The following TMEM65 variants were observed in gnomAD, a reference collection of about 807,000 sequenced individuals.
TMEM65 encodes transmembrane protein 65.
TMEM65 carries 22 observed loss-of-function variants against 25.4 expected under a neutral mutation model. The observed-to-expected ratio is 0.86, with a 90% CI of 0.62 to 1.23. The LOEUF is 1.23. Among genes scored for constraint, TMEM65 ranks in the 50% most tolerant of loss-of-function variants. TMEM65 has a pLI of 0.00. For missense variants in TMEM65, 262 were observed against 308.2 expected (o/e 0.85, Z 1.12); for synonymous variants, 132 against 126.2 (o/e 1.05, Z -0.31).
intron 1 of TMEM65, among the ~76,000 whole-genome samples, chr8:124,343,253 T>C (rs1003210772): frequency 8.5e-5 from 13 of 152,270 alleles, no homozygotes; most frequent in Middle Eastern, 3.4e-3. Flanking sequence ...CTAGAAAACA[T>C]AGATTGACCC....
intron 6 of TMEM65, among the ~76,000 whole-genome samples, chr8:124,318,009 T>C (rs557320227): frequency 2.4e-4 from 37 of 152,100 alleles, no homozygotes; most frequent in African/African-American, 7.2e-4. Context: ...TTAAAAAAAA[T>C]CACAGAAAAA....
At chr8:124,349,774 A>G (rs1038069510) in intron 1 of TMEM65, among the ~76,000 whole-genome samples, 1 of 152,144 alleles carries the variant, frequency 6.6e-6, no homozygotes, top group African/African-American at 2.4e-5. Flanking sequence ...ACTGAGTCTC[A>G]AAAGGCAAGA....
chr8:124,370,421 C>G (rs1814996774), intron 1 of TMEM65, among the ~76,000 whole-genome samples: 1 of 152,126 alleles, frequency 6.6e-6, no homozygotes. Context: ...TTCCAAGGAG[C>G]ATATTTTCAG....
chr8:124,369,346 A>G (rs906037868), intron 1 of TMEM65, among the ~76,000 whole-genome samples: 12 of 152,216 alleles, frequency 7.9e-5, no homozygotes, highest in Non-Finnish European at 1.5e-4. Flanking sequence ...ACTGATAAAC[A>G]TATAAGAAAG....
At chr8:124,316,076 T>C (rs1814234000) in intron 6 of TMEM65, among the ~76,000 whole-genome samples, 1 of 152,182 alleles carries the variant, frequency 6.6e-6, no homozygotes, top group African/African-American at 2.4e-5. Context: ...TACCAGTCAG[T>C]GATTTCTGAC....
intron 1 of TMEM65, among the ~76,000 whole-genome samples, chr8:124,354,428 G>A (rs890173592): frequency 1.2e-4 from 18 of 152,234 alleles, no homozygotes; most frequent in East Asian, 1.9e-4. Flanking sequence ...CAGTACTCCC[G>A]TTGCAGTGGA....
intron 1 of TMEM65, among the ~76,000 whole-genome samples, chr8:124,331,580 C>T (rs1041477809): frequency 1.3e-5 from 2 of 151,446 alleles, no homozygotes; most frequent in Admixed American, 1.3e-4. Flanking sequence ...CAACATTATA[C>T]CTAAAAATTA....
rs2131190683 is a variant in TMEM65 at position 124,313,109 on chromosome 8, G to C, written c.*851C>G. The C allele has an allele frequency of 6.6e-6, 1 of 151,480 alleles. No homozygotes were observed. Among genetic ancestry groups the C allele is most frequent in the East Asian group, 1.9e-4 (1 of 5,152 alleles). The allele number at this position is 151,480 out of a possible 1,614,324, so 9.4% of individuals were successfully genotyped here. On this transcript the variant is annotated 3_prime_UTR_variant, in exon 7 of 7. Transcript: ENST00000297632. ...CCACCTTTTTTTAAAAAAAGCTTTA[G>C]TCTCTTAATTTCCAAGCATCATGTT...
At chr8:124,351,457 C>T (rs926686527) in intron 1 of TMEM65, among the ~76,000 whole-genome samples, 2 of 152,110 alleles carry the variant, frequency 1.3e-5, no homozygotes, top group African/African-American at 4.8e-5. Context: ...ATTAGAAACG[C>T]TGATAAAGTG....
chr8:124,311,619 C>T lies in TMEM65; in HGVS notation c.*2341G>A, dbSNP rs1814162119. The stretch of plus-strand genomic sequence containing the variant: ...AGCTAATATGAGAAACAAACAGTTC[C>T]AGTTTCAACCTAAATTAAAGTTATT... On this transcript the variant is annotated 3_prime_UTR_variant, in exon 7 of 7. Coordinates refer to ENST00000297632, the MANE Select transcript of TMEM65 (RefSeq NM_194291.3). The T allele has an allele frequency of 6.6e-6, 1 of 152,392 alleles. No homozygotes were observed. The highest frequency in any genetic ancestry group is 2.1e-4 in the South Asian group (1 of 4,832). The allele number at this position is 152,392 out of a possible 1,614,324, so 9.4% of individuals were successfully genotyped here.
intron 1 of TMEM65, among the ~76,000 whole-genome samples, chr8:124,362,291 T>C (rs942350240): frequency 6.6e-6 from 1 of 152,044 alleles, no homozygotes; most frequent in Admixed American, 6.6e-5. Context: ...TATTTGAAGG[T>C]TGTTTCAAAA....
At chr8:124,335,497 G>C (rs4257990) in intron 1 of TMEM65, among the ~76,000 whole-genome samples, 137,053 of 152,178 alleles carry the variant, frequency 0.9, 61,841 homozygotes, top group East Asian at 1. Context: ...ACATGACTGT[G>C]TAATGCAAAA....
intron 1 of TMEM65, among the ~76,000 whole-genome samples, chr8:124,369,283 T>C (rs1318513721): frequency 6.6e-6 from 1 of 152,246 alleles, no homozygotes; most frequent in Admixed American, 6.5e-5. Context: ...CTGCCTTATC[T>C]ATTACGAACT....
At chr8:124,350,899 G>T in intron 1 of TMEM65, 1 of 713,168 alleles carries the variant, frequency 1.4e-6, no homozygotes. Flanking sequence ...TGAGCATGCA[G>T]TTATTGTTCC....
At chr8:124,367,415 C>T (rs569721220) in intron 1 of TMEM65, among the ~76,000 whole-genome samples, 2 of 152,040 alleles carry the variant, frequency 1.3e-5, no homozygotes, top group Non-Finnish European at 2.9e-5. Flanking sequence ...TGGAGTTGCA[C>T]TGAGCTGAGA....
chr8:124,358,119 T>G (rs141658123), intron 1 of TMEM65, among the ~76,000 whole-genome samples: 2,619 of 152,222 alleles, frequency 0.017, 78 homozygotes, highest in African/African-American at 0.06. Context: ...CATGAGCCAC[T>G]GTGCCCAGCC....
chr8:124,357,060 T>G (rs200227327), intron 1 of TMEM65, among the ~76,000 whole-genome samples: 7 of 1,780 alleles, frequency 3.9e-3, no homozygotes, highest in Non-Finnish European at 1.8e-3. Context: ...TAGGATATCT[T>G]TTTTTTTTTT....
At chr8:124,346,474 A>T (rs932109081) in intron 1 of TMEM65, among the ~76,000 whole-genome samples, 9 of 152,190 alleles carry the variant, frequency 5.9e-5, no homozygotes, top group Admixed American at 2.6e-4. Flanking sequence ...TCTTAACGTG[A>T]TATTTCAGCC....
chr8:124,355,693 G>C (rs984848051), intron 1 of TMEM65, among the ~76,000 whole-genome samples: 1 of 152,196 alleles, frequency 6.6e-6, no homozygotes, highest in African/African-American at 2.4e-5. Context: ...AATTCAAATT[G>C]ATGGCTTATT....
Sources: gnomAD v4.1 joint callset for allele counts (sites outside exome capture counted in the v4.1 genomes callset) on GRCh38, gnomAD v4.1.1 for gene constraint, MANE v1.5 for transcripts, NCBI Gene and HGNC (gene_info 2026-07-23, HGNC 2026-07-21) for gene names.